Variants in EDNRB observed in about 807,000 individuals in gnomAD.
The protein encoded by EDNRB is endothelin receptor type B.
A neutral mutation model predicts 46.4 loss-of-function variants in EDNRB; 18 were observed. The ratio of observed to expected loss-of-function variants is 0.39; its 90% CI spans 0.27 to 0.57. The LOEUF (loss-of-function observed/expected upper bound fraction) is 0.57. Among genes scored for constraint, EDNRB ranks in the 20% least tolerant of loss-of-function variants. The probability of loss-of-function intolerance (pLI) is 0.61; values close to 1 mark genes in which losing one functional copy is unlikely to be tolerated. For synonymous variants in EDNRB, 213 were observed against 204.9 expected (o/e 1.04, Z -0.34); for missense variants, 434 against 537.5 (o/e 0.81, Z 1.90).
At chr13:77,948,448 C>G (rs1566332798) in intron 1 of EDNRB, among the ~76,000 whole-genome samples, 1 of 152,148 alleles carries the variant, frequency 6.6e-6, no homozygotes, top group Non-Finnish European at 1.5e-5. Context: ...ACATTTGATA[C>G]CATACTGGCA....
At chr13:77,910,002 A>T in intron 1 of EDNRB, among the ~76,000 whole-genome samples, 1 of 151,562 alleles carries the variant, frequency 6.6e-6, no homozygotes, top group South Asian at 2.1e-4. Flanking sequence ...TTCCTCTCCC[A>T]CCCTCTCTCT....
chr13:77,964,527 G>A (rs1009611261), intron 1 of EDNRB, among the ~76,000 whole-genome samples: 3 of 151,762 alleles, frequency 2.0e-5, no homozygotes, highest in African/African-American at 7.2e-5. Context: ...CTATCACAAG[G>A]ACAAAAAACC....
chr13:77,936,603 G>A (rs1339804229), intron 1 of EDNRB, among the ~76,000 whole-genome samples: 1 of 152,234 alleles, frequency 6.6e-6, no homozygotes, highest in African/African-American at 2.4e-5. Context: ...GCTAAGCCGA[G>A]AAGATCTGGG....
intron 1 of EDNRB, among the ~76,000 whole-genome samples, chr13:77,933,893 T>C (rs887834275): frequency 2.0e-5 from 3 of 152,138 alleles, no homozygotes; most frequent in Non-Finnish European, 4.4e-5. Flanking sequence ...GGGTACGGTT[T>C]TGTATGAATT....
At chr13:77,943,891 A>G (rs886862850) in intron 1 of EDNRB, among the ~76,000 whole-genome samples, 4 of 152,086 alleles carry the variant, frequency 2.6e-5, no homozygotes, top group Non-Finnish European at 5.9e-5. Context: ...GCACTTTGCT[A>G]ACTTTCTATA....
intron 1 of EDNRB, among the ~76,000 whole-genome samples, chr13:77,943,195 A>G (rs1227023058): frequency 6.6e-6 from 1 of 152,134 alleles, no homozygotes; most frequent in Non-Finnish European, 1.5e-5. Context: ...TGCTGTGTGG[A>G]TATAGTAATT....
intron 1 of EDNRB, among the ~76,000 whole-genome samples, chr13:77,968,374 C>A (rs1477847586): frequency 9.2e-5 from 14 of 152,102 alleles, no homozygotes; most frequent in Admixed American, 9.2e-4. Flanking sequence ...AGCATATGAT[C>A]TCATTCAATA....
At chr13:77,968,912 T>C (rs1881651167) in intron 1 of EDNRB, among the ~76,000 whole-genome samples, 1 of 152,186 alleles carries the variant, frequency 6.6e-6, no homozygotes, top group South Asian at 2.1e-4. Flanking sequence ...GTTGGACAAA[T>C]ATTCAGGAGT....
intron 1 of EDNRB, among the ~76,000 whole-genome samples, chr13:77,974,286 A>G (rs761793699): frequency 6.6e-6 from 1 of 152,198 alleles, no homozygotes; most frequent in Non-Finnish European, 1.5e-5. Context: ...TGTGCTCACA[A>G]TGAGGTTTCC....
intron 1 of EDNRB, among the ~76,000 whole-genome samples, chr13:77,933,406 G>C (rs1293155799): frequency 6.6e-6 from 1 of 152,126 alleles, no homozygotes; most frequent in Non-Finnish European, 1.5e-5. Context: ...TTGTTCTCTG[G>C]CGGGCAGGAG....
At chr13:77,911,126 A>G (rs1472850365) in intron 1 of EDNRB, among the ~76,000 whole-genome samples, 1 of 152,050 alleles carries the variant, frequency 6.6e-6, no homozygotes, top group African/African-American at 2.4e-5. Flanking sequence ...GATCCAACTA[A>G]GGGAAATAAC....
upstream of EDNRB, among the ~76,000 whole-genome samples, chr13:77,922,237 C>T (rs753846478): frequency 6.6e-6 from 1 of 151,840 alleles, no homozygotes; most frequent in Non-Finnish European, 1.5e-5. Context: ...GATCACTTCT[C>T]AAAGTTAGAA....
At chr13:77,899,448 C>A in intron 6 of EDNRB, 1 of 181,206 alleles carries the variant, frequency 5.5e-6, no homozygotes. Flanking sequence ...GCTATTCTCA[C>A]AGTCCATGTG....
intron 1 of EDNRB, among the ~76,000 whole-genome samples, chr13:77,942,302 T>C (rs1880774001): frequency 6.6e-6 from 1 of 152,250 alleles, no homozygotes; most frequent in South Asian, 2.1e-4. Context: ...AAACAAGCCT[T>C]GTTTCTGGTG....
At position 77,896,504 on chromosome 13, in the gene EDNRB, A is replaced by G; in HGVS notation, c.*1696T>C. ...GGGTTTTGGTTTACTGTACCATCAC[A>G]TTCAATATTGACAGAAAACAACATT... On this transcript the variant is annotated 3_prime_UTR_variant, in exon 7 of 7. Coordinates refer to ENST00000646607, the MANE Select transcript of EDNRB (RefSeq NM_001122659.3). 2.5e-6 allele frequency: 4 copies of G among 1,581,668 alleles called. No individual in the cohort carries two copies. The highest frequency in any genetic ancestry group is 3.4e-6 in the Non-Finnish European group (4 of 1,161,816).
At chr13:77,901,749 T>C (rs1343851246) in intron 3 of EDNRB, among the ~76,000 whole-genome samples, 1 of 152,002 alleles carries the variant, frequency 6.6e-6, no homozygotes, top group Non-Finnish European at 1.5e-5. Flanking sequence ...TGTTATCTTT[T>C]TCATATTGCT....
intron 1 of EDNRB, among the ~76,000 whole-genome samples, chr13:77,958,692 G>T (rs539127371): frequency 1.3e-5 from 2 of 152,272 alleles, no homozygotes; most frequent in South Asian, 4.1e-4. Flanking sequence ...ATTTTAATGT[G>T]CAGCCAGCAT....
chr13:77,952,643 C>T (rs546740191), intron 1 of EDNRB, among the ~76,000 whole-genome samples: 1 of 152,206 alleles, frequency 6.6e-6, no homozygotes, highest in South Asian at 2.1e-4. Flanking sequence ...GTAAAAAATA[C>T]TGTGGCTGAA....
At chr13:77,961,850 T>C (rs1326753016) in intron 1 of EDNRB, among the ~76,000 whole-genome samples, 1 of 152,136 alleles carries the variant, frequency 6.6e-6, no homozygotes, top group East Asian at 1.9e-4. Context: ...AGCTGGTTTT[T>C]TGAAAAGGTC....
Sources: allele counts gnomAD v4.1 joint callset (sites outside exome capture counted in the v4.1 genomes callset), GRCh38; gene constraint gnomAD v4.1.1; transcripts MANE v1.5; gene names NCBI Gene and HGNC (gene_info 2026-07-23, HGNC 2026-07-21).